Variants in TTLL7 observed in about 807,000 individuals in gnomAD.
TTLL7 encodes the protein tubulin tyrosine ligase like 7, also known as tubulin polyglutamylase TTLL7.
TTLL7 carries 53 observed loss-of-function variants against 120.2 expected under a neutral mutation model. That is an observed-to-expected ratio of 0.44 (90% confidence interval 0.35 to 0.55). The LOEUF is 0.55. Ranked by LOEUF, TTLL7 falls within the 20% of genes least tolerant of loss-of-function variation. TTLL7 has a pLI of 0.00. For missense variants in TTLL7, 803 were observed against 1,054.7 expected (o/e 0.76, Z 3.31); for synonymous variants, 353 against 351.7 (o/e 1.00, Z -0.04).
At chr1:83,871,696 C>A (rs1248802352) in intron 20 of TTLL7, among the ~76,000 whole-genome samples, 1 of 151,746 alleles carries the variant, frequency 6.6e-6, no homozygotes, top group East Asian at 1.9e-4. Context: ...GAGATCGAGA[C>A]CATCCTGGCT....
chr1:83,964,399 A>G (rs1480894685), intron 1 of TTLL7, among the ~76,000 whole-genome samples: 1 of 152,080 alleles, frequency 6.6e-6, no homozygotes, highest in Non-Finnish European at 1.5e-5. Flanking sequence ...AAATGTCCAA[A>G]TTTGTTTTTT....
chr1:83,942,606 G>A lies in TTLL7; in HGVS notation c.580C>T (p.Pro194Ser). 6.2e-7 allele frequency: 1 copy of A among 1,613,866 alleles called. No homozygotes were observed. The highest frequency in any genetic ancestry group is 2.2e-5 in the East Asian group (1 of 44,846). ...AACTTGTAACCTTCCATTAGGAAAG[G>A]CTTTTCAATGTATTCTTGAACAATC... ...HLIVQEYIEK[P>S]FLMEGYKFDL... Residue 194 changes from proline (P) to serine (S), a missense_variant, in exon 7 of 21, where the codon CCT becomes TCT. This residue lies in a region of TTLL7 where 324 missense variants were observed against 507.7 expected (regional missense o/e 0.64). Transcript: ENST00000260505.
intron 4 of TTLL7, 25 bp downstream of exon 4, chr1:83,949,840 T>A (rs1200116175): frequency 6.2e-7 from 1 of 1,612,194 alleles, no homozygotes; most frequent in East Asian, 2.2e-5. Flanking sequence ...CTCATACCAC[T>A]AACTGGTCAT....
At chr1:83,966,402 A>G (rs1223541971) in intron 1 of TTLL7, among the ~76,000 whole-genome samples, 2 of 151,524 alleles carry the variant, frequency 1.3e-5, no homozygotes, top group Non-Finnish European at 2.9e-5. Context: ...CCCTCTCCAT[A>G]TATATAATTG....
chr1:83,917,313 C>A (rs549436505), intron 14 of TTLL7, among the ~76,000 whole-genome samples: 1 of 152,086 alleles, frequency 6.6e-6, no homozygotes, highest in African/African-American at 2.4e-5. Flanking sequence ...AGGTATGAGG[C>A]AAACTTAATA....
intron 18 of TTLL7, among the ~76,000 whole-genome samples, chr1:83,896,490 C>T (rs1201758518): frequency 6.6e-6 from 1 of 151,948 alleles, no homozygotes; most frequent in Non-Finnish European, 1.5e-5. Flanking sequence ...GAGGTGAAGG[C>T]GGTTTAGAAA....
intron 19 of TTLL7, among the ~76,000 whole-genome samples, chr1:83,884,133 GGAGGGAGAGAGAGAGAGAGA>G (rs1405774045): frequency 1.3e-5 from 2 of 151,286 alleles, no homozygotes; most frequent in African/African-American, 4.9e-5. Context: ...CAGTAGGGAG[GGAGGGAGAGAGAGAGAGAGA>G]GAGGGAGAGA....
intron 20 of TTLL7, among the ~76,000 whole-genome samples, chr1:83,875,951 A>T (rs1056971025): frequency 2.0e-5 from 3 of 151,564 alleles, no homozygotes; most frequent in South Asian, 4.2e-4. Flanking sequence ...TAATCTTTTC[A>T]CTTGTTATTA....
Position 83,907,632 on chromosome 1 carries a change from G to A in TTLL7, c.1816C>T (p.Arg606Trp), listed in dbSNP as rs143330409. ...GAAGGTGATTGAGCAGAGATGGACC[G>A]AGGGCAGCTGACTGAACGTCTTATG... ...SSIRRSVSCP[R>W]SISAQSPSSG... The change falls in exon 16 of 21, where the codon CGG becomes TGG. Residue 606 changes from arginine to tryptophan, a missense_variant. This residue lies in a region of TTLL7 where 388 missense variants were observed against 450.4 expected (regional missense o/e 0.86). Coordinates refer to ENST00000260505, the MANE Select transcript of TTLL7 (RefSeq NM_024686.6). 5 of 1,612,884 alleles carry A rather than the reference G, an allele frequency of 3.1e-6. No homozygotes were observed. Among genetic ancestry groups the A allele is most frequent in the African/African-American group, 1.3e-5 (1 of 74,846 alleles).
chr1:83,971,973 A>AT (rs1651033239), intron 1 of TTLL7, among the ~76,000 whole-genome samples: 1 of 148,692 alleles, frequency 6.7e-6, no homozygotes, highest in Non-Finnish European at 1.5e-5. Flanking sequence ...GCAGTTATAA[A>AT]TTCACAGAAA....
Position 83,982,822 on chromosome 1 carries a change from C to A in TTLL7, c.-177+16109G>T, listed in dbSNP as rs115519954. On this transcript the variant is annotated intron_variant, in intron 1 of 20. Coordinates refer to ENST00000260505, the MANE Select transcript of TTLL7 (RefSeq NM_024686.6). Reference sequence around the variant, plus strand: ...AACTATTTGAAAATTCATATAGAACCAAAAAAGAGCCCTGATAGCCCAAAC... The same window carrying A: ...AACTATTTGAAAATTCATATAGAACAAAAAAAGAGCCCTGATAGCCCAAAC... 7.8e-3 allele frequency among the ~76,000 whole-genome samples: 1,183 copies of A among 152,036 alleles called. 22 individuals are homozygous for A. Among genetic ancestry groups the A allele is most frequent in the African/African-American group, 0.027 (1,122 of 41,472 alleles).
At chr1:83,978,917 T>G (rs930169459) in intron 1 of TTLL7, among the ~76,000 whole-genome samples, 1 of 152,170 alleles carries the variant, frequency 6.6e-6, no homozygotes, top group Non-Finnish European at 1.5e-5. Flanking sequence ...ATTCATTAAT[T>G]CAACACATAT....
At chr1:83,914,554 T>C (rs572704941) in intron 14 of TTLL7, among the ~76,000 whole-genome samples, 4 of 151,910 alleles carry the variant, frequency 2.6e-5, no homozygotes, top group Non-Finnish European at 5.9e-5. Context: ...ATTGTCTCAA[T>C]CTCTTGACCT....
chr1:83,929,287 G>T lies in TTLL7; in HGVS notation c.1048-57C>A, dbSNP rs957285143. The T allele has an allele frequency of 3.2e-5, 43 of 1,333,188 alleles. No individual in the cohort carries two copies. In the South Asian group the frequency reaches 5.0e-4, roughly 15 times the overall value. 82.6% of individuals were successfully genotyped at this position (1,333,188 alleles called of 1,614,324 possible). A position where few individuals can be genotyped will look rare whatever the true frequency, so the allele number is the denominator to read the frequency against. ...GTAAATAAATATTCAATACATATTT[G>T]TTAATCCAATGTGGGATCTCTAGCC... On this transcript the variant is annotated intron_variant, in intron 9 of 20. Transcript: ENST00000260505.
At chr1:83,968,788 G>A (rs1365816081) in intron 1 of TTLL7, among the ~76,000 whole-genome samples, 2 of 152,002 alleles carry the variant, frequency 1.3e-5, no homozygotes, top group Non-Finnish European at 2.9e-5. Flanking sequence ...CTTCACCAAA[G>A]GTGGTGGTAA....
In TTLL7 at chr1:83,868,965, T is replaced by C. The variant is rs1159973796; in HGVS notation, c.*997A>G. On this transcript the variant is annotated 3_prime_UTR_variant, in exon 21 of 21. Transcript: ENST00000260505. Reference sequence around the variant, plus strand: ...TATCTTCTTTTTATTTATTTATTTATTTTATTTTATTATTATTTTTTTTTT... The same window carrying C: ...TATCTTCTTTTTATTTATTTATTTACTTTATTTTATTATTATTTTTTTTTT... 6.7e-6 allele frequency: 1 copy of C among 149,790 alleles called. No individual in the cohort carries two copies. The highest frequency in any genetic ancestry group is 2.4e-5 in the African/African-American group (1 of 41,066). The allele number at this position is 149,790 out of a possible 1,614,324, so 9.3% of individuals were successfully genotyped here.
At chr1:83,905,013 T>C (rs1321244835) in intron 17 of TTLL7, among the ~76,000 whole-genome samples, 5 of 151,902 alleles carry the variant, frequency 3.3e-5, no homozygotes, top group Admixed American at 3.3e-4. Context: ...GTCAGAAATA[T>C]TAGTTTTACT....
intron 1 of TTLL7, among the ~76,000 whole-genome samples, 196 bp downstream of exon 1, chr1:83,998,735 C>G (rs12126397): frequency 0.047 from 7,143 of 152,208 alleles, 229 homozygotes; most frequent in Middle Eastern, 0.11. Flanking sequence ...CTGCCCAAAC[C>G]TCTCAGGGCA....
chr1:83,898,616 G>A lies in TTLL7; in HGVS notation c.2208+5463C>T, dbSNP rs139984577. On this transcript the variant is annotated intron_variant, in intron 18 of 20. Coordinates refer to ENST00000260505, the MANE Select transcript of TTLL7 (RefSeq NM_024686.6). ...CGCACTTTGACTCATTATTATATTA[G>A]CTCTTATATTGTCAGGCAAAAAAAA... 4.5e-3 allele frequency among the ~76,000 whole-genome samples: 689 copies of A among 151,584 alleles called. 8 individuals are homozygous for A. The highest frequency in any genetic ancestry group is 0.016 in the African/African-American group (658 of 41,320).
Sources: gnomAD v4.1 joint callset for allele counts (sites outside exome capture counted in the v4.1 genomes callset) on GRCh38, gnomAD v4.1.1 for gene constraint, gnomAD v4.1.1 regional missense constraint, MANE v1.5 for transcripts, NCBI Gene and HGNC (gene_info 2026-07-23, HGNC 2026-07-21) for gene names.